The following COL26A1 variants were observed in gnomAD, a reference collection of about 807,000 sequenced individuals.
COL26A1 encodes the protein collagen type XXVI alpha 1 chain.
Under a neutral mutation model 59.3 loss-of-function variants are expected in COL26A1, and 41 were observed. The observed-to-expected ratio is 0.69, with a 90% CI of 0.54 to 0.90. The LOEUF is 0.90. Ranked by LOEUF, COL26A1 falls within the 40% of genes least tolerant of loss-of-function variation. The pLI is 0.00. For synonymous variants in COL26A1, 266 were observed against 256.0 expected (o/e 1.04, Z -0.37); for missense variants, 612 against 602.3 (o/e 1.02, Z -0.17).
chr7:101,509,713 T>G (rs1193353125), intron 3 of COL26A1, among the ~76,000 whole-genome samples: 14 of 151,906 alleles, frequency 9.2e-5, no homozygotes, highest in Non-Finnish European at 1.3e-4. Flanking sequence ...CTTCCTGGCC[T>G]CTTTCAGCAC....
intron 1 of COL26A1, among the ~76,000 whole-genome samples, chr7:101,393,339 G>A (rs908540849): frequency 1.3e-5 from 2 of 152,210 alleles, no homozygotes; most frequent in East Asian, 3.8e-4. Flanking sequence ...AAGGAAGCCA[G>A]TCTGAGTCCC....
intron 3 of COL26A1, among the ~76,000 whole-genome samples, chr7:101,487,033 G>C (rs982418161): frequency 2.6e-5 from 4 of 152,218 alleles, no homozygotes; most frequent in Non-Finnish European, 4.4e-5. Flanking sequence ...TTCCAGGCAG[G>C]CGTGGGAGGA....
chr7:101,428,623 G>A (rs1162225783), intron 2 of COL26A1, among the ~76,000 whole-genome samples: 1 of 152,026 alleles, frequency 6.6e-6, no homozygotes, highest in Non-Finnish European at 1.5e-5. Context: ...TAAGGTTGTG[G>A]TGGACTTTGT....
chr7:101,422,889 C>T (rs1439516533), intron 2 of COL26A1, among the ~76,000 whole-genome samples: 2 of 152,202 alleles, frequency 1.3e-5, no homozygotes, highest in East Asian at 1.9e-4. Context: ...GATCCTCCTG[C>T]CTCAGCCTCT....
chr7:101,367,358 G>A (rs1365825915), intron 1 of COL26A1, among the ~76,000 whole-genome samples: 1 of 152,084 alleles, frequency 6.6e-6, no homozygotes, highest in African/African-American at 2.4e-5. Flanking sequence ...TATTTGATTA[G>A]GGATGTTATA....
rs566338837 is a variant in COL26A1, at chr7:101,435,659, C to T, written c.282-12025C>T. Among the ~76,000 whole-genome samples the T allele has an allele frequency of 4.7e-4, 71 of 152,308 alleles. No individual in the cohort carries two copies. In the South Asian group the frequency reaches 0.011, roughly 24 times the overall value. On this transcript the variant is annotated intron_variant, in intron 2 of 12. Coordinates refer to ENST00000313669, the MANE Select transcript of COL26A1 (RefSeq NM_001278563.3). ...GTCCCCTCCTAAACCCCTCGGTTGG[C>T]TGCTGGCTGGGACGGGCTGGGGCTC... is the stretch of plus-strand genomic sequence containing the variant.
intron 3 of COL26A1, among the ~76,000 whole-genome samples, chr7:101,482,389 T>C (rs755514012): frequency 1.3e-5 from 2 of 152,224 alleles, no homozygotes; most frequent in Non-Finnish European, 2.9e-5. Flanking sequence ...TTTCTCTCAC[T>C]GTAAGTTGCA....
At position 101,420,110 on chromosome 7, in the gene COL26A1, C is replaced by T; in HGVS notation, c.281+11C>T. 3 of 1,611,694 alleles carry T rather than the reference C, an allele frequency of 1.9e-6. No homozygotes were observed. The highest frequency in any genetic ancestry group is 2.5e-6 in the Non-Finnish European group (3 of 1,179,792). Reference sequence around the variant, plus strand: ...CGCCAACCTCGTAAGGTAAAGGCCGCTGGGCTAGGCTGCTCTGCCCTTCCC... The same window carrying T: ...CGCCAACCTCGTAAGGTAAAGGCCGTTGGGCTAGGCTGCTCTGCCCTTCCC... On this transcript the variant is annotated intron_variant, in intron 2 of 12. Transcript: ENST00000313669.
intron 2 of COL26A1, among the ~76,000 whole-genome samples, chr7:101,428,589 T>C (rs1342866417): frequency 6.6e-6 from 1 of 152,102 alleles, no homozygotes; most frequent in Non-Finnish European, 1.5e-5. Flanking sequence ...GCTGGGTAGA[T>C]GTAAATATAT....
intron 1 of COL26A1, among the ~76,000 whole-genome samples, chr7:101,410,777 A>C (rs1351046140): frequency 3.3e-5 from 5 of 152,202 alleles, no homozygotes; most frequent in South Asian, 2.1e-4. Flanking sequence ...AGTTCATTAC[A>C]ACCTCTGCCT....
In COL26A1 at chr7:101,363,098, C is replaced by T. The variant is rs749776329; in HGVS notation, c.66C>T (p.Gly22=). 6.4e-7 allele frequency: 1 copy of T among 1,564,188 alleles called. No individual in the cohort carries two copies. The highest frequency in any genetic ancestry group is 8.6e-7 in the Non-Finnish European group (1 of 1,163,896). The change falls in exon 1 of 13, where the codon GGC becomes GGT. Residue 22 remains glycine (G), a synonymous_variant. Transcript: ENST00000313669. ...TCTGCGGGTCGGCGCTGGCCACCGG[C>T]TTCCTCTATCCCTTCTCGGCCGCAG... The part of the protein sequence containing the change: ...CCLCGSALAT[G]FLYPFSAAAL...
chr7:101,520,656 ACACACACC>A lies in COL26A1; in HGVS notation c.386-12424_386-12417del, dbSNP rs1400375549. 8.1e-4 allele frequency among the ~76,000 whole-genome samples: 122 copies of A among 151,226 alleles called. 2 individuals are homozygous for A. Among genetic ancestry groups the A allele is most frequent in the African/African-American group, 2.6e-3 (108 of 40,808 alleles). ...CATACACACACACACACACACACAC[ACACACACC>A]CCCGTGTTCTTGCATGTTTTTGCTC... On this transcript the variant is annotated intron_variant, in intron 3 of 12. Transcript: ENST00000313669.
intron 3 of COL26A1, among the ~76,000 whole-genome samples, chr7:101,449,996 C>T (rs7798580): frequency 6.6e-5 from 10 of 151,564 alleles, no homozygotes; most frequent in East Asian, 1.9e-4. Context: ...TAGTGGTGGG[C>T]GCCTGTAATC....
chr7:101,498,489 G>A (rs909883249), intron 3 of COL26A1, among the ~76,000 whole-genome samples: 4 of 152,156 alleles, frequency 2.6e-5, no homozygotes, highest in African/African-American at 9.7e-5. Flanking sequence ...CACTGCGCAA[G>A]AATTGGGAGC....
chr7:101,432,949 G>A (rs985461422), intron 2 of COL26A1, among the ~76,000 whole-genome samples: 5 of 152,070 alleles, frequency 3.3e-5, no homozygotes, highest in African/African-American at 4.8e-5. Context: ...TGACCCACCC[G>A]CCTCGGCCTC....
Position 101,557,571 on chromosome 7 carries a change from C to G in COL26A1, c.*41C>G. 1 of 1,562,790 alleles carries G rather than the reference C, an allele frequency of 6.4e-7. No homozygotes were observed. The highest frequency in any genetic ancestry group is 1.2e-5 in the South Asian group (1 of 86,566). On this transcript the variant is annotated 3_prime_UTR_variant, in exon 13 of 13. Transcript: ENST00000313669. ...GGACACCCTGTCCTGGCTAGAGACC[C>G]AGCCCCAGAGGCCTGAGCCGCCGCT...
At chr7:101,469,485 C>T (rs1036336101) in intron 3 of COL26A1, among the ~76,000 whole-genome samples, 6 of 142,570 alleles carry the variant, frequency 4.2e-5, no homozygotes, top group Non-Finnish European at 6.1e-5. Flanking sequence ...AGGGTTTACA[C>T]GATTTCTCTC....
chr7:101,391,061 G>GT (rs1157569368), intron 1 of COL26A1, among the ~76,000 whole-genome samples: 1 of 152,238 alleles, frequency 6.6e-6, no homozygotes, highest in African/African-American at 2.4e-5. Context: ...CCTGGCTGTG[G>GT]TAACAGGAGC....
At chr7:101,387,672 T>A (rs887995491) in intron 1 of COL26A1, among the ~76,000 whole-genome samples, 1 of 142,128 alleles carries the variant, frequency 7.0e-6, no homozygotes, top group Non-Finnish European at 1.5e-5. Context: ...TACATACATA[T>A]ATATATAAAG....
Sources: gnomAD v4.1 joint callset for allele counts (sites outside exome capture counted in the v4.1 genomes callset) on GRCh38, gnomAD v4.1.1 for gene constraint, MANE v1.5 for transcripts, NCBI Gene and HGNC (gene_info 2026-07-23, HGNC 2026-07-21) for gene names.